Variants in VTCN1 observed in about 807,000 individuals in gnomAD.
VTCN1 encodes the protein V-set domain containing T cell activation inhibitor 1.
A neutral mutation model predicts 26.5 loss-of-function variants in VTCN1; 26 were observed. The observed-to-expected ratio is 0.98, with a 90% confidence interval of 0.72 to 1.36. VTCN1 has a LOEUF of 1.36. Ranked by LOEUF, VTCN1 falls within the 40% of genes most tolerant of loss-of-function variation. VTCN1 has a pLI of 0.00. For synonymous variants in VTCN1, 116 were observed against 130.7 expected, an observed-to-expected ratio of 0.89 and a Z score of 0.77; for missense variants, 298 against 337.7, an observed-to-expected ratio of 0.88 and a Z score of 0.92.
chr1:117,190,853 T>C (rs60927806), intron 1 of VTCN1, among the ~76,000 whole-genome samples: 6,294 of 152,282 alleles, frequency 0.041, 420 homozygotes, highest in African/African-American at 0.14. Flanking sequence ...TGCAAGTCTA[T>C]GCACATTAAG....
chr1:117,193,392 G>T (rs1648347370), intron 1 of VTCN1, among the ~76,000 whole-genome samples: 1 of 152,144 alleles, frequency 6.6e-6, no homozygotes, highest in Admixed American at 6.5e-5. Flanking sequence ...GAATGAAAGT[G>T]AAGAAATGGA....
At chr1:117,154,476 G>T (rs1651961963) in intron 3 of VTCN1, among the ~76,000 whole-genome samples, 1 of 152,186 alleles carries the variant, frequency 6.6e-6, no homozygotes, top group Non-Finnish European at 1.5e-5. Context: ...TAACCAATGT[G>T]CATTAGTCAA....
At chr1:117,195,686 G>T (rs901911991) in intron 1 of VTCN1, among the ~76,000 whole-genome samples, 1 of 152,132 alleles carries the variant, frequency 6.6e-6, no homozygotes, top group Non-Finnish European at 1.5e-5. Flanking sequence ...GTTGGTAGGA[G>T]CATAAGTTGG....
In VTCN1 at chr1:117,161,410, A is replaced by G. The variant is rs1029686692; in HGVS notation, c.98-4489T>C. Among the ~76,000 whole-genome samples, 1 of 152,112 alleles carries G rather than the reference A, an allele frequency of 6.6e-6. No individual in the cohort carries two copies. Among genetic ancestry groups the G allele is most frequent in the African/African-American group, 2.4e-5 (1 of 41,420 alleles). On this transcript the variant is annotated intron_variant, in intron 2 of 5. Transcript: ENST00000369458. This position sits in a 1 kb window ranked among gnomAD's most constrained non-coding sequence, Gnocchi z 4.3. ...CATGAAATCCTCTTTTAATTCACCA[A>G]AGGAAAAATTAGTAGATTCTCTCTT... is the stretch of plus-strand genomic sequence containing the variant.
chr1:117,165,159 C>A (rs1360952074), intron 2 of VTCN1, among the ~76,000 whole-genome samples: 2 of 152,022 alleles, frequency 1.3e-5, no homozygotes, highest in Non-Finnish European at 2.9e-5. Flanking sequence ...AGTGTAGGTT[C>A]GGGAAACAAA....
chr1:117,194,116 A>G (rs890072149), intron 1 of VTCN1, among the ~76,000 whole-genome samples: 1 of 152,206 alleles, frequency 6.6e-6, no homozygotes, highest in African/African-American at 2.4e-5. Flanking sequence ...TGCAAACCAT[A>G]TATCTGATAA....
At chr1:117,151,419 T>C (rs891116310) in intron 4 of VTCN1, among the ~76,000 whole-genome samples, 2 of 152,130 alleles carry the variant, frequency 1.3e-5, no homozygotes, top group African/African-American at 4.8e-5. Flanking sequence ...CAAGATTTAT[T>C]GTGAACAGCA....
intron 4 of VTCN1, among the ~76,000 whole-genome samples, chr1:117,149,624 C>A (rs910352276): frequency 2.0e-5 from 3 of 151,816 alleles, no homozygotes; most frequent in African/African-American, 7.3e-5. Flanking sequence ...ATTAACAACT[C>A]TTTCCCATAG....
chr1:117,173,718 T>C (rs543524930), intron 1 of VTCN1, among the ~76,000 whole-genome samples: 1 of 152,362 alleles, frequency 6.6e-6, no homozygotes, highest in Non-Finnish European at 1.5e-5. Flanking sequence ...TATAAATAAA[T>C]TTTACTTATA....
chr1:117,181,063 C>T (rs1301486816), intron 1 of VTCN1, among the ~76,000 whole-genome samples: 1 of 152,170 alleles, frequency 6.6e-6, no homozygotes, highest in Non-Finnish European at 1.5e-5. Context: ...TCGTGAGGGT[C>T]CAAAGAAACA....
At chr1:117,158,775 A>G (rs571425404) in intron 2 of VTCN1, among the ~76,000 whole-genome samples, 1 of 152,306 alleles carries the variant, frequency 6.6e-6, no homozygotes, top group South Asian at 2.1e-4. Context: ...CTTCCCTTAT[A>G]AAACTGAATA....
intron 1 of VTCN1, among the ~76,000 whole-genome samples, chr1:117,197,463 T>C (rs1648571171): frequency 6.6e-6 from 1 of 152,190 alleles, no homozygotes; most frequent in African/African-American, 2.4e-5. Context: ...CTAAGTCAAA[T>C]GGAAACACTT....
Position 117,143,678 on chromosome 1 carries a change from C to G in VTCN1, c.*1593G>C, listed in dbSNP as rs1382029168. ...ACAACATGTAATACAGTCACCGTGG[C>G]TCCAAGGTCCAGGAAGGCAGTGGTT... is the stretch of plus-strand genomic sequence containing the variant. On this transcript the variant is annotated 3_prime_UTR_variant, in exon 6 of 6. Coordinates refer to ENST00000369458, the MANE Select transcript of VTCN1 (RefSeq NM_024626.4). The G allele has an allele frequency of 6.6e-6, 1 of 152,168 alleles. No homozygotes were observed. Among genetic ancestry groups the G allele is most frequent in the Non-Finnish European group, 1.5e-5 (1 of 68,034 alleles). 9.4% of individuals were successfully genotyped at this position (152,168 alleles called of 1,614,324 possible).
chr1:117,210,012 A>G (rs911573171), intron 1 of VTCN1, among the ~76,000 whole-genome samples: 6 of 152,204 alleles, frequency 3.9e-5, no homozygotes, highest in Non-Finnish European at 5.9e-5. Flanking sequence ...AGAACCAACA[A>G]GTATCAGCCT....
chr1:117,210,829 G>C lies in VTCN1; in HGVS notation c.27C>G (p.Phe9Leu), dbSNP rs1257375757. The C allele has an allele frequency of 6.2e-7, 1 of 1,614,158 alleles. No homozygotes were observed. Among genetic ancestry groups the C allele is most frequent in the Non-Finnish European group, 8.5e-7 (1 of 1,179,978 alleles). MASLGQILFWSIISIIIIL... is the reference protein window; with the variant it reads MASLGQILLWSIISIIIIL... Reference sequence around the variant, plus strand: ...GAGAGAAGAGTATATACTACCTCCAGAAGAGGATCTGCCCCAGGGAAGCCA... The same window carrying C: ...GAGAGAAGAGTATATACTACCTCCACAAGAGGATCTGCCCCAGGGAAGCCA... Residue 9 changes from phenylalanine (F) to leucine (L), a missense_variant, in exon 1 of 6, where the codon TTC (phenylalanine) becomes TTG (leucine). Transcript: ENST00000369458.
In VTCN1 at chr1:117,147,608, C is replaced by T. The variant is rs1651577456; in HGVS notation, c.*45+5G>A. ...ATATCCCACACTATTTGTGATTAAT[C>T]TCACCTGTTGTAACAATGACTTTGC... On this transcript the variant is annotated splice_donor_5th_base_variant and intron_variant, in intron 5 of 5. Transcript: ENST00000369458. The surrounding 1 kb of genome is among the most constrained non-coding windows in gnomAD (Gnocchi z 4.6). 2 of 1,603,570 alleles carry T rather than the reference C, an allele frequency of 1.2e-6. No individual in the cohort carries two copies. The highest frequency in any genetic ancestry group is 1.7e-5 in the Admixed American group (1 of 57,900).
rs1301099458 is a variant in VTCN1 at position 117,155,057 on chromosome 1, G to A, written c.445+1517C>T. Among the ~76,000 whole-genome samples, 3 of 152,106 alleles carry A rather than the reference G, an allele frequency of 2.0e-5. No individual in the cohort carries two copies. Among genetic ancestry groups the A allele is most frequent in the Non-Finnish European group, 4.4e-5 (3 of 68,030 alleles). ...GAGGAGTACTGGTTAGGTATTTTGA[G>A]GAGTACCGGTTAGGTATTTTCCATG... is the stretch of plus-strand genomic sequence containing the variant. On this transcript the variant is annotated intron_variant, in intron 3 of 5. Transcript: ENST00000369458. The surrounding 1 kb of genome is among the most constrained non-coding windows in gnomAD (Gnocchi z 4.8).
intron 1 of VTCN1, among the ~76,000 whole-genome samples, chr1:117,179,556 G>A (rs918018339): frequency 6.6e-6 from 1 of 152,198 alleles, no homozygotes; most frequent in Non-Finnish European, 1.5e-5. Flanking sequence ...AACAGAGCTC[G>A]CGGAGACTGG....
chr1:117,186,921 C>A (rs572574766), intron 1 of VTCN1, among the ~76,000 whole-genome samples: 2 of 152,094 alleles, frequency 1.3e-5, no homozygotes, highest in South Asian at 4.2e-4. Context: ...TTCCTTAGGG[C>A]AGATTCAGAG....
Sources: gnomAD v4.1 joint callset for allele counts (sites outside exome capture counted in the v4.1 genomes callset) on GRCh38, gnomAD v4.1.1 for gene constraint, Gnocchi (gnomAD v3.1) non-coding constraint, MANE v1.5 for transcripts, NCBI Gene and HGNC (gene_info 2026-07-23, HGNC 2026-07-21) for gene names.